SRBD1: variants seen among roughly 807,000 people sequenced by gnomAD.
SRBD1 encodes S1 RNA-binding domain-containing protein 1.
A neutral mutation model predicts 115.3 loss-of-function variants in SRBD1; 88 were observed. The observed-to-expected ratio is 0.76, with a 90% CI of 0.64 to 0.91. SRBD1 has a LOEUF of 0.91. SRBD1 is among the 40% of genes least tolerant of loss of function. The probability of loss-of-function intolerance (pLI) is 0.00; values close to 1 mark genes in which losing one functional copy is unlikely to be tolerated. For synonymous variants in SRBD1, 509 were observed against 407.7 expected (o/e 1.25, Z -2.99); for missense variants, 1,385 against 1,177.4 (o/e 1.18, Z -2.58).
intron 13 of SRBD1, 135 bp from the exon 14 acceptor site, chr2:45,546,974 G>A: frequency 2.6e-6 from 2 of 778,896 alleles, no homozygotes; most frequent in Non-Finnish European, 4.3e-6. Context: ...CCTGTCCACT[G>A]TTGCATAAGG....
chr2:45,420,875 T>C (rs1368370850), intron 16 of SRBD1, among the ~76,000 whole-genome samples: 1 of 152,236 alleles, frequency 6.6e-6, no homozygotes, highest in Non-Finnish European at 1.5e-5. Context: ...ATTCTTATTA[T>C]TATACTTTAA....
rs888301102 is a variant in SRBD1 at position 45,591,205 on chromosome 2, C to G, written c.649-5431G>C. 1.4e-4 allele frequency among the ~76,000 whole-genome samples: 21 copies of G among 152,156 alleles called. No homozygotes were observed. In the East Asian group the frequency reaches 3.9e-3, roughly 28 times the overall value. On this transcript the variant is annotated intron_variant, in intron 4 of 20. Transcript: ENST00000263736. Reference sequence around the variant, plus strand: ...TCAGTGCTTAAGATATTTTGCAGACCCTGCACTACATGGATCAGATGGCAA... The same window carrying G: ...TCAGTGCTTAAGATATTTTGCAGACGCTGCACTACATGGATCAGATGGCAA...
At chr2:45,399,471 C>T (rs1377622772) in intron 19 of SRBD1, among the ~76,000 whole-genome samples, 4 of 152,106 alleles carry the variant, frequency 2.6e-5, no homozygotes, top group African/African-American at 7.2e-5. Flanking sequence ...ATTTAATTAT[C>T]TCAAATATTT....
rs567966328 is a variant in SRBD1 at position 45,412,164 on chromosome 2, T to A, written c.2513+950A>T. 2.6e-5 allele frequency among the ~76,000 whole-genome samples: 4 copies of A among 152,206 alleles called. No individual in the cohort carries two copies. In the South Asian group the frequency reaches 8.3e-4, roughly 32 times the overall value. On this transcript the variant is annotated intron_variant, in intron 19 of 20. Coordinates refer to ENST00000263736, the MANE Select transcript of SRBD1 (RefSeq NM_018079.5). ...TAAGATGGATGGATAAGTAGATGGATATGTGGAAAAACAGATAGAATAAAA... is the reference window on the plus strand; with the variant it reads ...TAAGATGGATGGATAAGTAGATGGAAATGTGGAAAAACAGATAGAATAAAA...
At chr2:45,468,835 A>C (rs896962935) in intron 16 of SRBD1, among the ~76,000 whole-genome samples, 1 of 152,178 alleles carries the variant, frequency 6.6e-6, no homozygotes, top group Admixed American at 6.5e-5. Context: ...GGTGGTACCA[A>C]TTTATACTGC....
intron 7 of SRBD1, among the ~76,000 whole-genome samples, chr2:45,575,612 G>T (rs556889801): frequency 6.6e-6 from 1 of 152,184 alleles, no homozygotes; most frequent in South Asian, 2.1e-4. Context: ...TTAATAAATA[G>T]AAAATATCTA....
intron 4 of SRBD1, among the ~76,000 whole-genome samples, chr2:45,597,928 A>T (rs1410745939): frequency 6.6e-6 from 1 of 152,198 alleles, no homozygotes; most frequent in African/African-American, 2.4e-5. Flanking sequence ...GAGACTTCAC[A>T]GTCTAAAACT....
chr2:45,476,040 G>A (rs1343451420), intron 16 of SRBD1, among the ~76,000 whole-genome samples: 1 of 152,188 alleles, frequency 6.6e-6, no homozygotes, highest in Non-Finnish European at 1.5e-5. Flanking sequence ...TCTACTTGTA[G>A]CTAGATCAGT....
chr2:45,512,064 T>C (rs1450871679), intron 14 of SRBD1, among the ~76,000 whole-genome samples: 2 of 152,222 alleles, frequency 1.3e-5, no homozygotes, highest in Non-Finnish European at 2.9e-5. Flanking sequence ...GAATCTTCTC[T>C]TCTCCATAGT....
chr2:45,561,541 T>C (rs149555178), intron 10 of SRBD1, among the ~76,000 whole-genome samples: 26 of 152,350 alleles, frequency 1.7e-4, no homozygotes, highest in African/African-American at 6.0e-4. Context: ...AGCAATCTCT[T>C]TATCCTAAAG....
intron 16 of SRBD1, among the ~76,000 whole-genome samples, chr2:45,421,131 T>A (rs1667985900): frequency 6.6e-6 from 1 of 152,190 alleles, no homozygotes; most frequent in African/African-American, 2.4e-5. Flanking sequence ...ATGTGGAAAC[T>A]ACACCATGAT....
chr2:45,411,221 T>C (rs545233151), intron 19 of SRBD1, among the ~76,000 whole-genome samples: 3 of 152,214 alleles, frequency 2.0e-5, no homozygotes, highest in South Asian at 4.2e-4. Context: ...AATTGACTGG[T>C]TGGAGGGGAG....
chr2:45,418,543 T>C lies in SRBD1; in HGVS notation c.2157-2A>G. The C allele has an allele frequency of 6.3e-7, 1 of 1,575,742 alleles. No homozygotes were observed. The highest frequency in any genetic ancestry group is 1.2e-5 in the South Asian group (1 of 86,872). ...TTGGCATTGAGTCCTGCAATATGCC[T>C]AGAAAAAAAAAATAAGCAAACTGAA... is the stretch of plus-strand genomic sequence containing the variant. On this transcript the variant is annotated splice_acceptor_variant, in intron 17 of 20. Transcript: ENST00000263736. LOFTEE classifies it high-confidence loss of function.
chr2:45,451,604 C>A (rs997926554), intron 16 of SRBD1, among the ~76,000 whole-genome samples: 1 of 151,266 alleles, frequency 6.6e-6, no homozygotes, highest in Non-Finnish European at 1.5e-5. Context: ...CACACAACAG[C>A]AAAAAGATTA....
chr2:45,562,740 C>T lies in SRBD1; in HGVS notation c.1322G>A (p.Arg441His), dbSNP rs915522930. The T allele has an allele frequency of 5.0e-6, 8 of 1,607,182 alleles. No individual in the cohort carries two copies. The highest frequency in any genetic ancestry group is 2.7e-5 in the African/African-American group (2 of 74,528). The change falls in exon 10 of 21, where the codon CGT becomes CAT. Residue 441 changes from arginine to histidine, a missense_variant. By Grantham distance (29) the Arg-to-His change is conservative. Coordinates refer to ENST00000263736, the MANE Select transcript of SRBD1 (RefSeq NM_018079.5). The part of the protein sequence containing the change: ...IHHHQILAIN[R>H]GENLKVLTVK... Reference sequence around the variant, plus strand: ...CGTCAGTACCTTCAAATTTTCTCCACGGTTAATTGCCAGAATCTGAGTGCA... The same window carrying T: ...CGTCAGTACCTTCAAATTTTCTCCATGGTTAATTGCCAGAATCTGAGTGCA...
At chr2:45,513,586 T>C (rs1169169250) in intron 14 of SRBD1, among the ~76,000 whole-genome samples, 3 of 152,152 alleles carry the variant, frequency 2.0e-5, no homozygotes, top group African/African-American at 7.2e-5. Context: ...TGGCAGAGTT[T>C]AGGACCTATA....
intron 20 of SRBD1, 119 bp downstream of exon 20, chr2:45,392,826 T>G (rs1667040141): frequency 4.2e-6 from 4 of 948,390 alleles, no homozygotes; most frequent in Non-Finnish European, 6.0e-6. Context: ...ATTTTTCTCA[T>G]GTATAAAATG....
At chr2:45,540,806 C>T (rs1671909800) in intron 14 of SRBD1, among the ~76,000 whole-genome samples, 1 of 152,148 alleles carries the variant, frequency 6.6e-6, no homozygotes. Flanking sequence ...CAGATTAAAA[C>T]CACAATGAGA....
At chr2:45,582,802 T>C (rs979082345) in intron 5 of SRBD1, among the ~76,000 whole-genome samples, 2 of 152,198 alleles carry the variant, frequency 1.3e-5, no homozygotes, top group Admixed American at 1.3e-4. Context: ...AGAAGAATGA[T>C]ACTTAAAAAC....
Sources: gnomAD v4.1 joint callset for allele counts (sites outside exome capture counted in the v4.1 genomes callset) on GRCh38, gnomAD v4.1.1 for gene constraint, MANE v1.5 for transcripts, NCBI Gene and HGNC (gene_info 2026-07-23, HGNC 2026-07-21) for gene names.